ADGRE3: variants seen among roughly 807,000 people sequenced by gnomAD.
The protein encoded by ADGRE3 is adhesion G protein-coupled receptor E3, also known as EGF-like module receptor 3.
A neutral mutation model predicts 80.1 loss-of-function variants in ADGRE3; 88 were observed. That is an observed-to-expected ratio of 1.10 (90% CI 0.93 to 1.31). The LOEUF is 1.31. Ranked by LOEUF, ADGRE3 falls within the 40% of genes most tolerant of loss-of-function variation. The pLI, the probability that ADGRE3 is intolerant of heterozygous loss-of-function variation, is 0.00. For missense variants in ADGRE3, 715 were observed against 776.5 expected (o/e 0.92, Z 0.94); for synonymous variants, 281 against 294.8 (o/e 0.95, Z 0.48).
In ADGRE3 at chr19:14,622,142, G is replaced by A. The variant is rs1279057087; in HGVS notation, c.1921-2671C>T. The A allele has an allele frequency of 1.4e-4, 149 of 1,052,712 alleles. 55 individuals are homozygous for A. Among genetic ancestry groups the A allele is most frequent in the Non-Finnish European group, 2.0e-4 (148 of 758,086 alleles). The allele number at this position is 1,052,712 out of a possible 1,614,324, so 65.2% of individuals were successfully genotyped here. A position where few individuals can be genotyped will look rare whatever the true frequency, so the allele number is the denominator to read the frequency against. ...AAGGCAGGTCTGACACATCTCACAC[G>A]TTTGCCCTTGAAACTTCGGATCTGT... On this transcript the variant is annotated intron_variant, in intron 15 of 15. Coordinates refer to ENST00000253673, the MANE Select transcript of ADGRE3 (RefSeq NM_032571.5).
the ADGRE3 span, among the ~76,000 whole-genome samples, chr19:14,608,945 G>A: frequency 0.11 from 16,824 of 151,678 alleles, 1,015 homozygotes; most frequent in East Asian, 0.17. Context: ...GATTACAGGC[G>A]CCCGCCACCA....
chr19:14,610,217 G>T, the ADGRE3 span: 1 of 1,550,026 alleles, frequency 6.5e-7, no homozygotes. Flanking sequence ...CGAGGCTGGG[G>T]GTCCATATCT....
At chr19:14,656,964 C>G (rs1413869749) in intron 5 of ADGRE3, among the ~76,000 whole-genome samples, 2 of 152,138 alleles carry the variant, frequency 1.3e-5, no homozygotes, top group Admixed American at 6.6e-5. Context: ...GACGTGATCT[C>G]AGCTCACTGC....
downstream of ADGRE3, among the ~76,000 whole-genome samples, chr19:14,618,846 C>CAAA (rs771965258): frequency 0.024 from 1,497 of 61,600 alleles, 96 homozygotes; most frequent in East Asian, 0.059. Flanking sequence ...AACTCCATCT[C>CAAA]AAAAAAAAAA....
downstream of ADGRE3, among the ~76,000 whole-genome samples, chr19:14,618,074 G>A (rs1159673900): frequency 6.6e-6 from 1 of 151,856 alleles, no homozygotes; most frequent in Non-Finnish European, 1.5e-5. Flanking sequence ...ATAATTTAGA[G>A]TCCAGGCTCT....
chr19:14,634,527 T>G (rs1400722140), intron 11 of ADGRE3, among the ~76,000 whole-genome samples: 1 of 152,164 alleles, frequency 6.6e-6, no homozygotes, highest in Non-Finnish European at 1.5e-5. Context: ...TTTTAGTAAC[T>G]GTGGTGTGAT....
intron 6 of ADGRE3, among the ~76,000 whole-genome samples, chr19:14,653,141 C>T (rs140234371): frequency 2.8e-4 from 43 of 151,360 alleles, no homozygotes; most frequent in African/African-American, 1.0e-3. Flanking sequence ...CACCACCACG[C>T]CTGGCTAATT....
At chr19:14,672,374 C>G (rs529205380) in intron 1 of ADGRE3, among the ~76,000 whole-genome samples, 27 of 152,300 alleles carry the variant, frequency 1.8e-4, no homozygotes, top group African/African-American at 6.0e-4. Flanking sequence ...GGTTAAGTGG[C>G]TGGCACACTA....
the ADGRE3 span, among the ~76,000 whole-genome samples, chr19:14,607,351 CCA>C: frequency 6.8e-6 from 1 of 147,186 alleles, no homozygotes; most frequent in East Asian, 2.0e-4. Flanking sequence ...CTACAGGTGC[CCA>C]TCACCATGCC....
At chr19:14,633,089 T>G in intron 12 of ADGRE3, 77 bp from the exon 13 acceptor site, 1 of 1,329,706 alleles carries the variant, frequency 7.5e-7, no homozygotes, top group Non-Finnish European at 1.1e-6. Flanking sequence ...CACACAGGAG[T>G]CCTACCCTCT....
At chr19:14,652,585 G>A (rs192443029) in intron 6 of ADGRE3, among the ~76,000 whole-genome samples, 1 of 152,016 alleles carries the variant, frequency 6.6e-6, no homozygotes, top group Admixed American at 6.6e-5. Flanking sequence ...TTCAAGACCA[G>A]CCTGGCCAAC....
chr19:14,617,901 G>A (rs2075091824), downstream of ADGRE3, among the ~76,000 whole-genome samples: 1 of 151,916 alleles, frequency 6.6e-6, no homozygotes, highest in Non-Finnish European at 1.5e-5. Context: ...TAGCAGACAG[G>A]TGCTAAAGAA....
At position 14,623,301 on chromosome 19, in the gene ADGRE3, A is replaced by AT. The variant is rs1418998957; in HGVS notation, c.1920+2190_1920+2191insA. On this transcript the variant is annotated intron_variant, in intron 15 of 15. Transcript: ENST00000253673. ...TAAAATACTTAAAAAAAAAAAAATA[A>AT]AAAAAAAAAAAAATAAAACTCCTGG... Among the ~76,000 whole-genome samples the AT allele has an allele frequency of 8.6e-3, 211 of 24,656 alleles. 67 individuals are homozygous for AT. Among genetic ancestry groups the AT allele is most frequent in the African/African-American group, 0.046 (198 of 4,282 alleles). The allele number at this position is 24,656 out of a possible 152,430, so 16.2% of individuals were successfully genotyped here.
At chr19:14,654,772 C>T (rs1224179162) in intron 6 of ADGRE3, among the ~76,000 whole-genome samples, 1 of 152,050 alleles carries the variant, frequency 6.6e-6, no homozygotes, top group East Asian at 1.9e-4. Flanking sequence ...CTAATAGTTT[C>T]CCCAGATTTT....
chr19:14,625,939 GA>G (rs1222095174), intron 14 of ADGRE3, among the ~76,000 whole-genome samples: 2 of 152,144 alleles, frequency 1.3e-5, no homozygotes, highest in African/African-American at 4.8e-5. Flanking sequence ...GGGGGAAGGA[GA>G]GTGGCGAGGT....
In ADGRE3 at chr19:14,654,992, G is replaced by A. The variant is rs372612623; in HGVS notation, c.567C>T (p.Asn189=). The A allele has an allele frequency of 8.9e-5, 144 of 1,613,480 alleles. No homozygotes were observed. The highest frequency in any genetic ancestry group is 1.8e-4 in the Admixed American group (11 of 59,920). The change falls in exon 6 of 16, where the codon AAC becomes AAT. Residue 189 remains asparagine (N), a synonymous_variant. Coordinates refer to ENST00000253673, the MANE Select transcript of ADGRE3 (RefSeq NM_032571.5). The stretch of plus-strand genomic sequence containing the variant: ...TCATTATTGTCTTACCTACACTATC[G>A]TTTTGGATTTTCAGGACTTTTTGTT... ...DPEQKVLKIQ[N]DSVAIETQAI...
rs756017783 is a variant in ADGRE3, at chr19:14,641,498, G to T, written c.1169C>A (p.Ser390Ter). 2 of 1,613,780 alleles carry T rather than the reference G, an allele frequency of 1.2e-6. No homozygotes were observed. The highest frequency in any genetic ancestry group is 4.5e-5 in the East Asian group (2 of 44,874). ...LCKAIRNTST[S>*]LHLQLSLCLF... ...GCAGAGCGAGAGCTGCAGATGCAGTGAGGTGCTGGTGTTCCGGATGGCTTT... is the reference window on the plus strand; with the variant it reads ...GCAGAGCGAGAGCTGCAGATGCAGTTAGGTGCTGGTGTTCCGGATGGCTTT... Residue 390 changes from serine to a stop codon, truncating the protein, a stop_gained, in exon 10 of 16, where the codon TCA becomes TAA. Coordinates refer to ENST00000253673, the MANE Select transcript of ADGRE3 (RefSeq NM_032571.5). LOFTEE classifies it high-confidence loss of function.
rs770464933 is a variant in ADGRE3 at position 14,633,019 on chromosome 19, G to A, written c.1552-7C>T. On this transcript the variant is annotated splice_region_variant and splice_polypyrimidine_tract_variant and intron_variant, in intron 12 of 15. Coordinates refer to ENST00000253673, the MANE Select transcript of ADGRE3 (RefSeq NM_032571.5). ...TAAACAATACTAAATTCGCCTGCAG[G>A]ACCAACACAAACAAGGCAGAGTGCA... The A allele has an allele frequency of 6.2e-7, 1 of 1,608,308 alleles. No individual in the cohort carries two copies. The highest frequency in any genetic ancestry group is 8.5e-7 in the Non-Finnish European group (1 of 1,174,936).
At chr19:14,669,080 G>T (rs1163108273) in intron 1 of ADGRE3, among the ~76,000 whole-genome samples, 1 of 152,018 alleles carries the variant, frequency 6.6e-6, no homozygotes, top group African/African-American at 2.4e-5. Flanking sequence ...CAAAGGAAAA[G>T]AAATCATTAT....
Sources: gnomAD v4.1 joint callset for allele counts (sites outside exome capture counted in the v4.1 genomes callset) on GRCh38, gnomAD v4.1.1 for gene constraint, MANE v1.5 for transcripts, NCBI Gene and HGNC (gene_info 2026-07-23, HGNC 2026-07-21) for gene names.